Variants in ZC3H12D observed in about 807,000 individuals in gnomAD.
ZC3H12D encodes the protein zinc finger CCCH-type containing 12D.
A neutral mutation model predicts 24.2 loss-of-function variants in ZC3H12D; 11 were observed. The ratio of observed to expected loss-of-function variants is 0.46; its 90% CI spans 0.29 to 0.75. The LOEUF is 0.75. Among genes scored for constraint, ZC3H12D ranks in the 30% least tolerant of loss-of-function variants. The pLI is 0.11. For synonymous variants in ZC3H12D, 333 were observed against 341.8 expected (o/e 0.97, Z 0.28); for missense variants, 740 against 767.7 (o/e 0.96, Z 0.43).
rs376106059 is a variant in ZC3H12D, at chr6:149,451,382, T to A, written c.885A>T (p.Thr295=). 1.3e-5 allele frequency: 20 copies of A among 1,550,620 alleles called. No homozygotes were observed. The African/African-American group carries it at 2.6e-4, about 20-fold the overall frequency. ...LAVADELRAK[T]GARPGAGAEE... ...CGGCGCCCGCGCCAGGCCGGGCCCCTGTCTTGGCGCGGAGCTCGTCGGCCA... is the reference window on the plus strand; with the variant it reads ...CGGCGCCCGCGCCAGGCCGGGCCCCAGTCTTGGCGCGGAGCTCGTCGGCCA... The change falls in exon 6 of 6, where the codon ACA becomes ACT. Residue 295 remains threonine (T), a synonymous_variant. Coordinates refer to ENST00000409806, the MANE Select transcript of ZC3H12D (RefSeq NM_207360.3).
intron 1 of ZC3H12D, among the ~76,000 whole-genome samples, chr6:149,479,387 C>T (rs1055941683): frequency 6.6e-6 from 1 of 152,106 alleles, no homozygotes; most frequent in African/African-American, 2.4e-5. Flanking sequence ...ATTTAAAAAA[C>T]AAACAAAAAA....
chr6:149,455,953 T>TAAAAAAA (rs1278081469), intron 4 of ZC3H12D, among the ~76,000 whole-genome samples: 1 of 125,914 alleles, frequency 7.9e-6, no homozygotes, highest in African/African-American at 3.5e-5. Flanking sequence ...AAATTTTGAT[T>TAAAAAAA]TAAAAAAAAA....
chr6:149,462,139 C>T (rs564319820), intron 2 of ZC3H12D, among the ~76,000 whole-genome samples, 169 bp from the exon 3 acceptor site: 2 of 152,128 alleles, frequency 1.3e-5, no homozygotes, highest in Non-Finnish European at 2.9e-5. Flanking sequence ...TTTGGGAGGC[C>T]AAGGTGGGCA....
chr6:149,479,181 G>A (rs1776386478), intron 1 of ZC3H12D, among the ~76,000 whole-genome samples: 1 of 152,118 alleles, frequency 6.6e-6, no homozygotes, highest in Non-Finnish European at 1.5e-5. Flanking sequence ...ACAATATAGT[G>A]AGATCCCATC....
intron 1 of ZC3H12D, among the ~76,000 whole-genome samples, chr6:149,475,715 CAA>C (rs11462349): frequency 7.0e-6 from 1 of 142,582 alleles, no homozygotes. Flanking sequence ...AACTCCGTCT[CAA>C]AAAAAAAAAA....
At position 149,452,830 on chromosome 6, in the gene ZC3H12D, C is replaced by T; in HGVS notation, c.681-108G>A. 3.1e-6 allele frequency: 3 copies of T among 963,644 alleles called. No homozygotes were observed. In the Admixed American group the frequency reaches 6.6e-5, roughly 21 times the overall value. 59.7% of individuals were successfully genotyped at this position (963,644 alleles called of 1,614,324 possible). A position where few individuals can be genotyped will look rare whatever the true frequency, so the allele number is the denominator to read the frequency against. On this transcript the variant is annotated intron_variant, in intron 4 of 5. Transcript: ENST00000409806. The surrounding 1 kb of genome is among the most constrained non-coding windows in gnomAD (Gnocchi z 4.0). The stretch of plus-strand genomic sequence containing the variant: ...CCCAAGAACACCAGGAAGCATTCGG[C>T]CCCGGGCCCACCATCACCCAGCAGG...
chr6:149,456,585 G>C lies in ZC3H12D; in HGVS notation c.680+81C>G. On this transcript the variant is annotated intron_variant, in intron 4 of 5. Transcript: ENST00000409806. This position sits in a 1 kb window ranked among gnomAD's most constrained non-coding sequence, Gnocchi z 4.3. ...CGGGTGACCCCAAGCTCCTCCACCT[G>C]GTAGCAGGCGTGGCCACTGCCTCGA... 1.6e-6 allele frequency: 2 copies of C among 1,234,188 alleles called. No individual in the cohort carries two copies. The highest frequency in any genetic ancestry group is 2.3e-6 in the Non-Finnish European group (2 of 879,970). The allele number at this position is 1,234,188 out of a possible 1,614,324, so 76.5% of individuals were successfully genotyped here. A position where few individuals can be genotyped will look rare whatever the true frequency, so the allele number is the denominator to read the frequency against.
At chr6:149,469,950 G>A (rs1406825978) in intron 2 of ZC3H12D, among the ~76,000 whole-genome samples, 1 of 152,188 alleles carries the variant, frequency 6.6e-6, no homozygotes, top group Non-Finnish European at 1.5e-5. Flanking sequence ...AATGTCTGGG[G>A]GGAACATGGG....
Position 149,447,952 on chromosome 6 carries a change from G to T in ZC3H12D, c.*2731C>A, listed in dbSNP as rs1373761734. ...GGAAATCGAACCAGGGAGACAAAAA[G>T]CAGCTCTAATAGAAAGCGTGTCTTG... On this transcript the variant is annotated 3_prime_UTR_variant, in exon 6 of 6. Transcript: ENST00000409806. 1 of 152,174 alleles carries T rather than the reference G, an allele frequency of 6.6e-6. No homozygotes were observed. The highest frequency in any genetic ancestry group is 1.9e-4 in the East Asian group (1 of 5,200). 9.4% of individuals were successfully genotyped at this position (152,174 alleles called of 1,614,324 possible).
At chr6:149,465,747 G>A (rs1209620666) in intron 2 of ZC3H12D, among the ~76,000 whole-genome samples, 3 of 126,832 alleles carry the variant, frequency 2.4e-5, no homozygotes, top group South Asian at 2.8e-4. Flanking sequence ...AGAGCGAGAC[G>A]CCATCTCAAA....
intron 2 of ZC3H12D, among the ~76,000 whole-genome samples, chr6:149,462,393 CA>C (rs950883898): frequency 2.8e-4 from 32 of 112,514 alleles, no homozygotes; most frequent in Non-Finnish European, 5.4e-4. Flanking sequence ...CAAAACAAAA[CA>C]AAAAAAAACC....
In ZC3H12D at chr6:149,451,121, G is replaced by T; in HGVS notation, c.1146C>A (p.Gly382=). The change falls in exon 6 of 6, where the codon GGC becomes GGA. Residue 382 remains glycine (G), a synonymous_variant. Coordinates refer to ENST00000409806, the MANE Select transcript of ZC3H12D (RefSeq NM_207360.3). The stretch of plus-strand genomic sequence containing the variant: ...GGCTGAGCGGGCCTGGCACCCGGCC[G>T]CCCGCGGACACCCAGTCGGGCCCGC... ...RLGGPDWVSA[G]GRVPGPLSLP... is the part of the protein sequence containing the mutation. 7.4e-7 allele frequency: 1 copy of T among 1,345,926 alleles called. No homozygotes were observed. 83.4% of individuals were successfully genotyped at this position (1,345,926 alleles called of 1,614,324 possible). A position where few individuals can be genotyped will look rare whatever the true frequency, so the allele number is the denominator to read the frequency against.
At chr6:149,470,376 A>C (rs563156006) in intron 2 of ZC3H12D, among the ~76,000 whole-genome samples, 2 of 152,004 alleles carry the variant, frequency 1.3e-5, no homozygotes, top group Non-Finnish European at 2.9e-5. Flanking sequence ...CAAACAAAAA[A>C]CTACAAAAAT....
intron 1 of ZC3H12D, among the ~76,000 whole-genome samples, chr6:149,481,184 G>A (rs937748622): frequency 6.6e-5 from 10 of 151,284 alleles, no homozygotes; most frequent in Non-Finnish European, 1.3e-4. Flanking sequence ...TTCCCACCCC[G>A]ACAGCCCCAG....
chr6:149,471,670 T>C (rs1345493148), intron 2 of ZC3H12D, among the ~76,000 whole-genome samples: 1 of 152,196 alleles, frequency 6.6e-6, no homozygotes, highest in African/African-American at 2.4e-5. Flanking sequence ...GCTTTGAAGA[T>C]AGAAGGGGCC....
intron 4 of ZC3H12D, among the ~76,000 whole-genome samples, chr6:149,453,028 TAA>T (rs1775925407): frequency 6.7e-6 from 1 of 150,058 alleles, no homozygotes; most frequent in African/African-American, 2.5e-5. Flanking sequence ...TTCACATGGG[TAA>T]TCCCAACACT....
chr6:149,474,756 A>G, intron 1 of ZC3H12D, 143 bp from the exon 2 acceptor site: 1 of 429,556 alleles, frequency 2.3e-6, no homozygotes, highest in Non-Finnish European at 4.1e-6. Flanking sequence ...TCAGTTGCTC[A>G]ATGTGGCTGT....
chr6:149,465,768 G>A (rs375595326), intron 2 of ZC3H12D, among the ~76,000 whole-genome samples: 52,512 of 137,624 alleles, frequency 0.38, 9,980 homozygotes, highest in African/African-American at 0.55. Context: ...AAAAAAAAAG[G>A]GGGGGGGAAG....
rs1381074522 is a variant in ZC3H12D at position 149,451,496 on chromosome 6, CAG to C, written c.788-19_788-18del. 1 of 1,554,284 alleles carries C rather than the reference CAG, an allele frequency of 6.4e-7. No homozygotes were observed. Among genetic ancestry groups the C allele is most frequent in the East Asian group, 2.5e-5 (1 of 39,742 alleles). On this transcript the variant is annotated intron_variant, in intron 5 of 5. Coordinates refer to ENST00000409806, the MANE Select transcript of ZC3H12D (RefSeq NM_207360.3). ...ATTTCTTGCCTGAAAGGGGCGGGGG[CAG>C]AGAGGGCGCGACGTGAGGCCCGGGG...
Sources: gnomAD v4.1 joint callset for allele counts (sites outside exome capture counted in the v4.1 genomes callset) on GRCh38, gnomAD v4.1.1 for gene constraint, Gnocchi (gnomAD v3.1) non-coding constraint, MANE v1.5 for transcripts, NCBI Gene and HGNC (gene_info 2026-07-23, HGNC 2026-07-21) for gene names.